Variants in ERC2 observed in about 807,000 individuals in gnomAD.
ERC2 encodes ERC protein 2.
Under a neutral mutation model 114.8 loss-of-function variants are expected in ERC2, and 42 were observed. That is an observed-to-expected ratio of 0.37 (90% CI 0.29 to 0.47). The LOEUF (loss-of-function observed/expected upper bound fraction) is 0.47. Among genes scored for constraint, ERC2 ranks in the 20% least tolerant of loss-of-function variants. ERC2 has a pLI of 0.99. For missense variants in ERC2, 939 were observed against 1,150.7 expected (o/e 0.82, Z 2.66); for synonymous variants, 454 against 425.5 (o/e 1.07, Z -0.82).
chr3:56,087,001 A>G (rs1174290934), intron 6 of ERC2, among the ~76,000 whole-genome samples: 2 of 152,144 alleles, frequency 1.3e-5, no homozygotes, highest in Non-Finnish European at 2.9e-5. Context: ...GAGCACCATC[A>G]TTTCCCAGAA....
chr3:55,833,340 T>C (rs1267817182), intron 14 of ERC2, among the ~76,000 whole-genome samples: 1 of 150,346 alleles, frequency 6.7e-6, no homozygotes, highest in Non-Finnish European at 1.5e-5. Context: ...AAGGAAAAAA[T>C]ATTAAGGGCA....
At chr3:55,554,766 A>G (rs749160321) in intron 17 of ERC2, among the ~76,000 whole-genome samples, 4 of 151,912 alleles carry the variant, frequency 2.6e-5, no homozygotes, top group Non-Finnish European at 5.9e-5. Context: ...CCCTTGTTTT[A>G]AACCAAGAGT....
chr3:56,148,466 T>C (rs2081257837), intron 5 of ERC2, among the ~76,000 whole-genome samples: 1 of 152,168 alleles, frequency 6.6e-6, no homozygotes, highest in Non-Finnish European at 1.5e-5. Context: ...TTGTGCTTTT[T>C]TGTAGAGACA....
chr3:56,107,657 A>G (rs1410406023), intron 6 of ERC2, among the ~76,000 whole-genome samples: 5 of 152,214 alleles, frequency 3.3e-5, no homozygotes, highest in African/African-American at 1.2e-4. Context: ...TTTTTTCATT[A>G]CACCAAGACA....
chr3:56,237,196 A>C (rs1025499145), intron 3 of ERC2, among the ~76,000 whole-genome samples: 2 of 152,124 alleles, frequency 1.3e-5, no homozygotes, highest in Non-Finnish European at 2.9e-5. Context: ...TTTATACTTC[A>C]TTAACCTAGT....
At chr3:56,164,584 G>A (rs7644257) in intron 4 of ERC2, among the ~76,000 whole-genome samples, 123,989 of 152,000 alleles carry the variant, frequency 0.82, 51,848 homozygotes, top group South Asian at 0.93. Flanking sequence ...GCGGACATAT[G>A]TTTGCAATTC....
intron 14 of ERC2, among the ~76,000 whole-genome samples, chr3:55,790,821 A>G (rs1026372404): frequency 2.0e-5 from 3 of 152,234 alleles, no homozygotes; most frequent in African/African-American, 7.2e-5. Context: ...TGTTTACTGA[A>G]TGAATGGTAA....
At chr3:55,902,587 C>T (rs2064198502) in intron 13 of ERC2, among the ~76,000 whole-genome samples, 1 of 152,156 alleles carries the variant, frequency 6.6e-6, no homozygotes, top group South Asian at 2.1e-4. Flanking sequence ...ATAGAGGGTT[C>T]CTATGCTTTC....
At chr3:56,437,429 T>C (rs1246202298) in intron 1 of ERC2, among the ~76,000 whole-genome samples, 1 of 152,260 alleles carries the variant, frequency 6.6e-6, no homozygotes, top group African/African-American at 2.4e-5. Context: ...TGTGGTGGAC[T>C]GTTTTGCCAC....
At chr3:55,705,884 A>T (rs1379875520) in intron 15 of ERC2, among the ~76,000 whole-genome samples, 1 of 148,500 alleles carries the variant, frequency 6.7e-6, no homozygotes, top group East Asian at 1.9e-4. Context: ...TTTATTTTTA[A>T]TTGTTGCAGA....
At chr3:55,801,569 T>C (rs1020637503) in intron 14 of ERC2, among the ~76,000 whole-genome samples, 1 of 152,194 alleles carries the variant, frequency 6.6e-6, no homozygotes, top group African/African-American at 2.4e-5. Flanking sequence ...TAAAACAATT[T>C]GAATCATTTG....
intron 3 of ERC2, among the ~76,000 whole-genome samples, chr3:56,235,873 C>G (rs943738261): frequency 2.0e-5 from 3 of 152,196 alleles, no homozygotes; most frequent in Non-Finnish European, 4.4e-5. Context: ...ACAGAAAGTT[C>G]TGCTGTCAAC....
chr3:55,906,169 G>T (rs1414876355), intron 13 of ERC2, among the ~76,000 whole-genome samples: 1 of 133,948 alleles, frequency 7.5e-6, no homozygotes, highest in Non-Finnish European at 1.6e-5. Flanking sequence ...GTTTATGCCA[G>T]TGGTTGTCAA....
intron 17 of ERC2, among the ~76,000 whole-genome samples, chr3:55,571,580 G>T (rs773989193): frequency 1.8e-4 from 27 of 152,122 alleles, no homozygotes; most frequent in Non-Finnish European, 3.2e-4. Context: ...ACCCTGCCTT[G>T]CTCGCCTTTC....
At chr3:56,428,896 T>C (rs2107312996) in intron 2 of ERC2, among the ~76,000 whole-genome samples, 1 of 152,340 alleles carries the variant, frequency 6.6e-6, no homozygotes, top group Non-Finnish European at 1.5e-5. Context: ...GGGTAAATAT[T>C]AGATCTAGTA....
chr3:55,681,798 G>T (rs2062067452), intron 17 of ERC2, among the ~76,000 whole-genome samples: 1 of 152,212 alleles, frequency 6.6e-6, no homozygotes, highest in Non-Finnish European at 1.5e-5. Flanking sequence ...GTCTGCATTT[G>T]CCTTAAGCAA....
At chr3:55,699,107 G>A (rs151141231) in intron 16 of ERC2, among the ~76,000 whole-genome samples, 5 of 152,146 alleles carry the variant, frequency 3.3e-5, no homozygotes, top group African/African-American at 4.8e-5. Flanking sequence ...GAGATACCGA[G>A]CCAGCAATAG....
intron 14 of ERC2, among the ~76,000 whole-genome samples, chr3:55,754,784 A>T (rs79140864): frequency 0.029 from 4,342 of 152,108 alleles, 89 homozygotes; most frequent in South Asian, 0.054. Flanking sequence ...TTTCTATCCT[A>T]AACAGCGCAA....
intron 2 of ERC2, among the ~76,000 whole-genome samples, chr3:56,300,174 G>T (rs954679547): frequency 1.9e-4 from 28 of 149,806 alleles, no homozygotes; most frequent in Admixed American, 1.6e-3. Flanking sequence ...TAAGAAAGAA[G>T]AAAAGCAGGA....
Sources: gnomAD v4.1 joint callset for allele counts (sites outside exome capture counted in the v4.1 genomes callset) on GRCh38, gnomAD v4.1.1 for gene constraint, MANE v1.5 for transcripts, NCBI Gene and HGNC (gene_info 2026-07-23, HGNC 2026-07-21) for gene names.